Variants in IPP observed in about 807,000 individuals in gnomAD.
IPP encodes the protein intracisternal A particle-promoted polypeptide.
A neutral mutation model predicts 64.1 loss-of-function variants in IPP; 41 were observed. That is an observed-to-expected ratio of 0.64 (90% CI 0.50 to 0.83). The LOEUF (loss-of-function observed/expected upper bound fraction) is 0.83, where lower values mean the gene tolerates loss of function less well. Ranked by LOEUF, IPP falls within the 40% of genes least tolerant of loss-of-function variation. The pLI is 0.00. For missense variants in IPP, 649 were observed against 703.0 expected, an observed-to-expected ratio of 0.92 and a Z score of 0.87; for synonymous variants, 214 against 235.2, an observed-to-expected ratio of 0.91 and a Z score of 0.83.
intron 7 of IPP, 95 bp from the exon 8 acceptor site, chr1:45,714,561 G>A (rs1206604327): frequency 1.3e-6 from 1 of 757,720 alleles, no homozygotes; most frequent in Non-Finnish European, 2.3e-6. Context: ...CAATGCCGAT[G>A]CTATGTTTAA....
chr1:45,696,274 C>A (rs186279921), downstream of IPP, among the ~76,000 whole-genome samples: 16 of 152,230 alleles, frequency 1.1e-4, no homozygotes, highest in Admixed American at 1.0e-3. Flanking sequence ...AGAAGCATAT[C>A]GGATTGTTAA....
chr1:45,747,107 C>G (rs532727996), intron 1 of IPP, among the ~76,000 whole-genome samples: 13 of 149,956 alleles, frequency 8.7e-5, no homozygotes, highest in Admixed American at 2.0e-4. Context: ...TGCGCGCATG[C>G]GCGCGCACAC....
At chr1:45,697,731 G>C (rs1412052157), downstream of IPP, among the ~76,000 whole-genome samples, 2 of 151,812 alleles carry the variant, frequency 1.3e-5, no homozygotes, top group African/African-American at 4.8e-5. Flanking sequence ...GGCCAAGGTG[G>C]GCAGATCACA....
At chr1:45,704,425 A>C (rs889773859) in intron 8 of IPP, among the ~76,000 whole-genome samples, 32 of 151,968 alleles carry the variant, frequency 2.1e-4, no homozygotes, top group African/African-American at 7.7e-4. Flanking sequence ...TTTAGTAGAG[A>C]TGGGGTTTCA....
intron 8 of IPP, among the ~76,000 whole-genome samples, chr1:45,707,848 G>A (rs960338183): frequency 2.3e-4 from 35 of 151,952 alleles, no homozygotes; most frequent in African/African-American, 7.3e-4. Flanking sequence ...ACAGATTCAA[G>A]AAGTTCAATG....
At chr1:45,722,032 G>A (rs1183041337) in intron 5 of IPP, among the ~76,000 whole-genome samples, 3 of 152,124 alleles carry the variant, frequency 2.0e-5, no homozygotes, top group African/African-American at 4.8e-5. Flanking sequence ...TCACGCCACT[G>A]CACTACAGCC....
intron 5 of IPP, among the ~76,000 whole-genome samples, chr1:45,723,583 T>C (rs1645761850): frequency 6.6e-6 from 1 of 152,216 alleles, no homozygotes; most frequent in Non-Finnish European, 1.5e-5. Flanking sequence ...CTATACAGAA[T>C]TGTGCTCTTT....
chr1:45,744,414 C>CA (rs1646107167), intron 2 of IPP, among the ~76,000 whole-genome samples: 1 of 152,104 alleles, frequency 6.6e-6, no homozygotes, highest in African/African-American at 2.4e-5. Flanking sequence ...GATGGGGTCT[C>CA]ACTCTGTCTC....
In IPP at chr1:45,699,214, C is replaced by T. The variant is rs75657203; in HGVS notation, c.*752G>A. The T allele has an allele frequency of 2.0e-4, 197 of 985,230 alleles. No homozygotes were observed. The East Asian group carries it at 0.014, about 69-fold the overall frequency. 61.0% of individuals were successfully genotyped at this position (985,230 alleles called of 1,614,324 possible). ...TATCTATTAAAATAGCTAGATATTTCCCAAACACCCCTCCTAGGATATCTG... is the reference window on the plus strand; with the variant it reads ...TATCTATTAAAATAGCTAGATATTTTCCAAACACCCCTCCTAGGATATCTG... On this transcript the variant is annotated 3_prime_UTR_variant, in exon 9 of 9. Coordinates refer to ENST00000396478, the MANE Select transcript of IPP (RefSeq NM_005897.3).
At chr1:45,708,745 G>A (rs1645548872) in intron 8 of IPP, among the ~76,000 whole-genome samples, 1 of 144,774 alleles carries the variant, frequency 6.9e-6, no homozygotes, top group Non-Finnish European at 1.5e-5. Context: ...CAAAAATGAA[G>A]GAGAGTCTGA....
downstream of IPP, chr1:45,697,416 A>T (rs1204675634): frequency 1.3e-5 from 2 of 151,822 alleles, no homozygotes; most frequent in African/African-American, 4.8e-5. Context: ...ACCTGCTGCC[A>T]ATTTTTTGTA....
At chr1:45,712,044 G>T (rs1480098138) in intron 8 of IPP, among the ~76,000 whole-genome samples, 2 of 151,908 alleles carry the variant, frequency 1.3e-5, no homozygotes, top group South Asian at 2.1e-4. Context: ...GGCCAGGAGT[G>T]GTGGCTTACA....
intron 3 of IPP, among the ~76,000 whole-genome samples, chr1:45,732,461 G>GAAATGACA (rs1645923624): frequency 6.6e-6 from 1 of 150,742 alleles, no homozygotes; most frequent in African/African-American, 2.4e-5. Context: ...AGTAAGAAAT[G>GAAATGACA]AAATGACAGT....
chr1:45,727,887 G>T, intron 4 of IPP, 89 bp from the exon 5 acceptor site: 1 of 974,202 alleles, frequency 1.0e-6, no homozygotes, highest in Non-Finnish European at 1.4e-6. Flanking sequence ...GAAATAAATG[G>T]TTTAGAAATT....
intron 1 of IPP, among the ~76,000 whole-genome samples, chr1:45,747,583 G>A (rs546154336): frequency 6.6e-5 from 10 of 152,046 alleles, no homozygotes; most frequent in Admixed American, 3.3e-4. Flanking sequence ...ATCCCAGCAC[G>A]TTGGGATGCT....
chr1:45,712,918 A>G (rs1403738333), intron 8 of IPP, among the ~76,000 whole-genome samples: 1 of 150,744 alleles, frequency 6.6e-6, no homozygotes, highest in Non-Finnish European at 1.5e-5. Context: ...TGGGCTCCCA[A>G]AGTGCTGGGT....
Position 45,719,327 on chromosome 1 carries a change from T to G in IPP, c.1062A>C (p.Ser354=), listed in dbSNP as rs756885675. The change falls in exon 6 of 9, where the codon TCA becomes TCC. Residue 354 remains serine, a synonymous_variant. Transcript: ENST00000396478. ...AGCATTCAGTACAATCAAAAATCAT[T>G]GAATCCTTTTCACCTGAGTTAAATA... The part of the protein sequence containing the change: ...MVYAIGGEKD[S]MIFDCTECYD... 18 of 1,595,330 alleles carry G rather than the reference T, an allele frequency of 1.1e-5. No homozygotes were observed. The highest frequency in any genetic ancestry group is 1.4e-5 in the Non-Finnish European group (16 of 1,171,494).
chr1:45,748,558 T>C (rs1646171620), intron 1 of IPP, among the ~76,000 whole-genome samples: 3 of 151,970 alleles, frequency 2.0e-5, no homozygotes, highest in Admixed American at 2.0e-4. Context: ...TAGTCCCAGC[T>C]ACTCAGGGGA....
intron 5 of IPP, among the ~76,000 whole-genome samples, chr1:45,725,622 C>T (rs1356195260): frequency 2.2e-5 from 3 of 136,998 alleles, no homozygotes; most frequent in African/African-American, 8.1e-5. Context: ...GCCATGATGA[C>T]AATGGCGGTT....
Sources: allele counts gnomAD v4.1 joint callset (sites outside exome capture counted in the v4.1 genomes callset), GRCh38; gene constraint gnomAD v4.1.1; transcripts MANE v1.5; gene names NCBI Gene and HGNC (gene_info 2026-07-23, HGNC 2026-07-21).